LAMA5: variants seen among roughly 807,000 people sequenced by gnomAD.
The protein encoded by LAMA5 is laminin subunit alpha 5, also known as laminin subunit alpha-5.
Under a neutral mutation model 433.4 loss-of-function variants are expected in LAMA5, and 260 were observed. The ratio of observed to expected loss-of-function variants is 0.60; its 90% CI spans 0.54 to 0.66. The LOEUF (loss-of-function observed/expected upper bound fraction) is 0.66. LAMA5 is among the 30% of genes least tolerant of loss of function. The pLI, the probability that LAMA5 is intolerant of heterozygous loss-of-function variation, is 0.00. For missense variants in LAMA5, 5,378 were observed against 5,258.5 expected, an observed-to-expected ratio of 1.02 and a Z score of -0.70; for synonymous variants, 2,620 against 2,226.6, an observed-to-expected ratio of 1.18 and a Z score of -4.97.
chr20:62,327,617 A>C lies in LAMA5; in HGVS notation c.4850T>G (p.Leu1617Arg), dbSNP rs1398555842. ...CDQCSLGTFS[L>R]DAANPKGCTR... ...GCAACCTTTGGGGTTGGCAGCATCC[A>C]GTGAGAAGGTCCCAAGGCTGCACTG... Residue 1617 changes from leucine (L) to arginine (R), a missense_variant, in exon 37 of 80, where the codon CTG becomes CGG. Leu to Arg is a moderately radical substitution (Grantham distance 102). Coordinates refer to ENST00000252999, the MANE Select transcript of LAMA5 (RefSeq NM_005560.6). 1.9e-6 allele frequency: 3 copies of C among 1,613,028 alleles called. No homozygotes were observed. Among genetic ancestry groups the C allele is most frequent in the Non-Finnish European group, 2.5e-6 (3 of 1,180,014 alleles).
chr20:62,311,816 T>TGCCCCCCCC, intron 70 of LAMA5, 32 bp from the exon 71 acceptor site: 1 of 1,520,992 alleles, frequency 6.6e-7, no homozygotes, highest in Non-Finnish European at 8.9e-7. Flanking sequence ...GCTCGGTTTT[T>TGCCCCCCCC]CCCCACCCTG....
At chr20:62,311,816 T>TTGCCCC in intron 70 of LAMA5, 32 bp from the exon 71 acceptor site, 11 of 1,520,970 alleles carry the variant, frequency 7.2e-6, no homozygotes, top group South Asian at 1.2e-5. Context: ...GCTCGGTTTT[T>TTGCCCC]CCCCACCCTG....
At chr20:62,366,632 G>A (rs1467297948) in intron 1 of LAMA5, among the ~76,000 whole-genome samples, 1 of 152,204 alleles carries the variant, frequency 6.6e-6, no homozygotes, top group Non-Finnish European at 1.5e-5. Flanking sequence ...CGCCCTCCCC[G>A]GGATCCCGGA....
Position 62,359,293 on chromosome 20 carries a change from A to G in LAMA5, c.450+3107T>C, listed in dbSNP as rs1443036717. Among the ~76,000 whole-genome samples the G allele has an allele frequency of 1.3e-5, 2 of 152,118 alleles. No individual in the cohort carries two copies. The highest frequency in any genetic ancestry group is 6.5e-5 in the Admixed American group (1 of 15,282). On this transcript the variant is annotated intron_variant, in intron 2 of 79. Transcript: ENST00000252999. The surrounding 1 kb of genome is among the most constrained non-coding windows in gnomAD (Gnocchi z 4.3). Reference sequence around the variant, plus strand: ...GGCCGACTGGAGAGGGAGGGGACACAGGCCAGAGCCAGCCCCACTCACCCT... The same window carrying G: ...GGCCGACTGGAGAGGGAGGGGACACGGGCCAGAGCCAGCCCCACTCACCCT...
chr20:62,334,916 G>T, intron 20 of LAMA5, 105 bp downstream of exon 20: 1 of 1,052,528 alleles, frequency 9.5e-7, no homozygotes, highest in Non-Finnish European at 1.4e-6. Context: ...CATCACCCGG[G>T]CTTCATGCTG....
Position 62,312,487 on chromosome 20 carries a change from G to T in LAMA5, c.9273C>A (p.Val3091=). ...ACTTGCCCAGGGCCTTGATGCCTTT[G>T]ACGCAGCCACGGACTGAGCCTCCGG... ...FPTGGSVRGC[V]KGIKALGKYV... The change falls in exon 68 of 80, where the codon GTC becomes GTA. Residue 3091 remains valine (V), a synonymous_variant. Coordinates refer to ENST00000252999, the MANE Select transcript of LAMA5 (RefSeq NM_005560.6). 1 of 1,598,624 alleles carries T rather than the reference G, an allele frequency of 6.3e-7. No homozygotes were observed. The highest frequency in any genetic ancestry group is 8.5e-7 in the Non-Finnish European group (1 of 1,179,666).
At position 62,315,036 on chromosome 20, in the gene LAMA5, C is replaced by T. The variant is rs746285637; in HGVS notation, c.8039G>A (p.Gly2680Asp). ...GAGGGCCATGGGCGCACCTGAGTGG[C>T]CTGCGTCAAGCACTGCCTGGCCCAG... is the stretch of plus-strand genomic sequence containing the variant. Reference protein sequence around the residue: ...QDLGQAVLDAGHSVSTLEKTL... With the variant: ...QDLGQAVLDADHSVSTLEKTL... Residue 2680 changes from glycine to aspartate, a missense_variant, in exon 59 of 80, where the codon GGC (glycine) becomes GAC (aspartate). Transcript: ENST00000252999. 4 of 1,592,644 alleles carry T rather than the reference C, an allele frequency of 2.5e-6. No individual in the cohort carries two copies. Among genetic ancestry groups the T allele is most frequent in the Non-Finnish European group, 3.4e-6 (4 of 1,175,664 alleles).
At chr20:62,314,214 G>A (rs1328695274) in intron 62 of LAMA5, 90 bp downstream of exon 62, 5 of 1,478,224 alleles carry the variant, frequency 3.4e-6, no homozygotes, top group Non-Finnish European at 3.7e-6. Context: ...AGAGGTGAAG[G>A]GTGGTGGGTG....
chr20:62,340,305 G>GT (rs34415039), intron 11 of LAMA5, among the ~76,000 whole-genome samples: 1,927 of 99,448 alleles, frequency 0.019, 98 homozygotes, highest in African/African-American at 0.043. Context: ...AGCCTCCTTT[G>GT]TTTTTTTTTT....
Position 62,366,381 on chromosome 20 carries a change from G to A in LAMA5, c.297+568C>T, listed in dbSNP as rs192387477. ...AGCCCCCGGACCCTACCACCTGCTG[G>A]GCAGAGATGCTGCCCCTCCTGGGAG... On this transcript the variant is annotated intron_variant, in intron 1 of 79. Transcript: ENST00000252999. Among the ~76,000 whole-genome samples, 11 of 152,314 alleles carry A rather than the reference G, an allele frequency of 7.2e-5. No individual in the cohort carries two copies. In the East Asian group the frequency reaches 2.1e-3, roughly 29 times the overall value.
chr20:62,321,183 CAGTG>C (rs1171153874), intron 48 of LAMA5, among the ~76,000 whole-genome samples: 1 of 57,994 alleles, frequency 1.7e-5, no homozygotes, highest in African/African-American at 7.2e-5. Context: ...GAGGCAGGGT[CAGTG>C]AAGGGGTGGG....
In LAMA5 at chr20:62,350,182, G is replaced by A. The variant is rs527252667; in HGVS notation, c.956+1522C>T. On this transcript the variant is annotated intron_variant, in intron 6 of 79. Transcript: ENST00000252999. ...GGCCAAGGCAAGCCCCGGCTCCCGC[G>A]CCCTTCCTCTCCTTGGAGGCCCATT... 3.8e-4 allele frequency among the ~76,000 whole-genome samples: 58 copies of A among 151,992 alleles called. No homozygotes were observed. In the East Asian group the frequency reaches 0.01, roughly 27 times the overall value.
chr20:62,353,422 G>C (rs1308100684), intron 2 of LAMA5, 171 bp from the exon 3 acceptor site: 1 of 541,850 alleles, frequency 1.8e-6, no homozygotes, highest in Non-Finnish European at 3.3e-6. Context: ...ACCCAGGGGA[G>C]AGGGCTCCCC....
At position 62,318,559 on chromosome 20, in the gene LAMA5, C is replaced by T; in HGVS notation, c.7134G>A (p.Glu2378=). The T allele has an allele frequency of 6.2e-7, 1 of 1,610,292 alleles. No homozygotes were observed. ...CCTCTCGCAGGTCCATGAGGCCGGC[C>T]TCGTGCTGGGCCAGCCGGTCGCGGG... is the stretch of plus-strand genomic sequence containing the variant. ...TQTRDRLAQH[E]AGLMDLREAL... The change falls in exon 53 of 80, where the codon GAG becomes GAA. Residue 2378 remains glutamate, a synonymous_variant. Transcript: ENST00000252999.
chr20:62,362,475 C>T lies in LAMA5; in HGVS notation c.375G>A (p.Glu125=), dbSNP rs1304294000. The T allele has an allele frequency of 3.1e-6, 5 of 1,604,826 alleles. No individual in the cohort carries two copies. In the Admixed American group the frequency reaches 5.1e-5, roughly 16 times the overall value. ...ACAGCGGTGGACTCTGCCACCAGCG[C>T]TCCGTGCCATCGATGGCATTGCTCG... is the stretch of plus-strand genomic sequence containing the variant. ...HPASNAIDGT[E]RWWQSPPLSR... is the part of the protein sequence containing the mutation. Residue 125 remains glutamate (E), a synonymous_variant, in exon 2 of 80, where the codon GAG becomes GAA. Coordinates refer to ENST00000252999, the MANE Select transcript of LAMA5 (RefSeq NM_005560.6).
chr20:62,334,353 C>A lies in LAMA5; in HGVS notation c.2583-11G>T, dbSNP rs371642038. 2.1e-5 allele frequency: 33 copies of A among 1,587,236 alleles called. No homozygotes were observed. In the East Asian group the frequency reaches 6.9e-4, roughly 33 times the overall value. ...TGGTCCCTCGCAGGCCTGGCCACAGCAGGGGCTGGTCAGGTGCAGCTTGGC... is the reference window on the plus strand; with the variant it reads ...TGGTCCCTCGCAGGCCTGGCCACAGAAGGGGCTGGTCAGGTGCAGCTTGGC... On this transcript the variant is annotated splice_polypyrimidine_tract_variant and intron_variant, in intron 21 of 79. Transcript: ENST00000252999.
chr20:62,313,083 C>A lies in LAMA5; in HGVS notation c.8955+5G>T. 1 of 1,608,368 alleles carries A rather than the reference C, an allele frequency of 6.2e-7. No individual in the cohort carries two copies. The highest frequency in any genetic ancestry group is 8.5e-7 in the Non-Finnish European group (1 of 1,178,878). ...GGGATGGCAGGACGGGTGTGCCTGG[C>A]GCACCTGCTGCTTCAGGAAGAAGAG... is the stretch of plus-strand genomic sequence containing the variant. On this transcript the variant is annotated splice_donor_5th_base_variant and intron_variant, in intron 65 of 79. Coordinates refer to ENST00000252999, the MANE Select transcript of LAMA5 (RefSeq NM_005560.6).
intron 2 of LAMA5, among the ~76,000 whole-genome samples, chr20:62,361,715 G>A (rs953335422): frequency 3.3e-5 from 5 of 152,324 alleles, no homozygotes; most frequent in African/African-American, 1.2e-4. Context: ...AGAAGCACCA[G>A]GATTACTGGC....
chr20:62,323,259 GCCTGATCGCTGGGGCGGGAGGA>G (rs137889407), intron 45 of LAMA5, among the ~76,000 whole-genome samples, 175 bp downstream of exon 45: 34,006 of 151,022 alleles, frequency 0.23, 3,915 homozygotes, highest in African/African-American at 0.27. Flanking sequence ...GGGCGGGAGG[GCCTGATCGCTGGGGCGGGAGGA>G]CCGGATCATA....
Sources: allele counts gnomAD v4.1 joint callset (sites outside exome capture counted in the v4.1 genomes callset), GRCh38; gene constraint gnomAD v4.1.1; non-coding constraint Gnocchi (gnomAD v3.1); transcripts MANE v1.5; gene names NCBI Gene and HGNC (gene_info 2026-07-23, HGNC 2026-07-21).